Variants in DPP6 observed in about 807,000 individuals in gnomAD.
DPP6 encodes A-type potassium channel modulatory protein DPP6.
A neutral mutation model predicts 122.6 loss-of-function variants in DPP6; 69 were observed. That is an observed-to-expected ratio of 0.56 (90% CI 0.46 to 0.69). The LOEUF is 0.69. DPP6 is among the 30% of genes least tolerant of loss of function. DPP6 has a pLI of 0.00. For synonymous variants in DPP6, 418 were observed against 433.1 expected (o/e 0.97, Z 0.43); for missense variants, 928 against 1,116.9 (o/e 0.83, Z 2.41).
chr7:154,498,793 C>T (rs79392477), intron 3 of DPP6, among the ~76,000 whole-genome samples: 3,012 of 152,218 alleles, frequency 0.02, 99 homozygotes, highest in African/African-American at 0.067. Flanking sequence ...ACATGCCTGC[C>T]CTCTACCCAC....
intron 1 of DPP6, among the ~76,000 whole-genome samples, chr7:154,431,600 T>C (rs1818428939): frequency 6.7e-6 from 1 of 150,230 alleles, no homozygotes; most frequent in African/African-American, 2.5e-5. Flanking sequence ...AGTGGCATGA[T>C]CTCAGTTCAC....
chr7:154,500,630 A>G (rs940268767), intron 3 of DPP6, among the ~76,000 whole-genome samples: 9 of 152,182 alleles, frequency 5.9e-5, no homozygotes, highest in Non-Finnish European at 7.4e-5. Flanking sequence ...CATATGAGAC[A>G]TGCCTTTTAC....
chr7:153,844,886 G>A, the DPP6 span, among the ~76,000 whole-genome samples: 1 of 152,130 alleles, frequency 6.6e-6, no homozygotes, highest in Non-Finnish European at 1.5e-5. Context: ...AACAAAAAAT[G>A]TTTGAGTATT....
chr7:154,688,525 A>G (rs534526268), intron 7 of DPP6, among the ~76,000 whole-genome samples: 1 of 152,258 alleles, frequency 6.6e-6, no homozygotes, highest in Admixed American at 6.5e-5. Context: ...GAGGGACAGA[A>G]CTAACAGGAT....
intron 4 of DPP6, among the ~76,000 whole-genome samples, chr7:154,558,639 T>G (rs1225008068): frequency 1.3e-5 from 2 of 152,196 alleles, no homozygotes; most frequent in Non-Finnish European, 2.9e-5. Flanking sequence ...TTCAGTAGAG[T>G]AACATGCTGT....
chr7:154,637,764 A>G (rs1835817133), intron 5 of DPP6, 57 bp from the exon 6 acceptor site: 4 of 1,511,876 alleles, frequency 2.6e-6, no homozygotes, highest in Non-Finnish European at 3.6e-6. Flanking sequence ...TTTGAAAAAT[A>G]TCATCGTAAC....
At chr7:154,308,566 T>A (rs1472821959) in intron 1 of DPP6, among the ~76,000 whole-genome samples, 1 of 152,198 alleles carries the variant, frequency 6.6e-6, no homozygotes, top group Admixed American at 6.5e-5. Context: ...CTGAGACTCC[T>A]CGGTGAAAAT....
At chr7:153,918,592 C>CAA (rs1563006289) in intron 1 of DPP6, among the ~76,000 whole-genome samples, 1 of 97,028 alleles carries the variant, frequency 1.0e-5, no homozygotes, top group African/African-American at 4.0e-5. Context: ...CTCTCTCTCT[C>CAA]TCTCTCTCTC....
intron 1 of DPP6, among the ~76,000 whole-genome samples, chr7:154,426,800 C>T (rs1305161373): frequency 7.8e-6 from 1 of 128,126 alleles, no homozygotes; most frequent in Non-Finnish European, 1.6e-5. Context: ...TTATTTGGTA[C>T]TCTGCCTTAA....
chr7:154,436,027 A>T (rs920403513), intron 1 of DPP6, among the ~76,000 whole-genome samples: 4 of 152,108 alleles, frequency 2.6e-5, no homozygotes, highest in Admixed American at 2.6e-4. Context: ...AGAAGGAACC[A>T]ATCCTGACCT....
chr7:154,485,321 A>T (rs1823690460), intron 3 of DPP6, among the ~76,000 whole-genome samples: 1 of 152,172 alleles, frequency 6.6e-6, no homozygotes, highest in Non-Finnish European at 1.5e-5. Flanking sequence ...AAATAAACAA[A>T]ATGTAATTAT....
chr7:154,822,421 A>G (rs910751710), intron 16 of DPP6, among the ~76,000 whole-genome samples: 1 of 152,072 alleles, frequency 6.6e-6, no homozygotes, highest in African/African-American at 2.4e-5. Context: ...CCCTAATCCT[A>G]TTCAGAGGCC....
intron 16 of DPP6, among the ~76,000 whole-genome samples, chr7:154,807,659 T>C (rs534808661): frequency 6.6e-6 from 1 of 151,988 alleles, no homozygotes; most frequent in Non-Finnish European, 1.5e-5. Context: ...CCGTCTCTAC[T>C]AAAAATACAA....
At chr7:153,993,256 A>G (rs1258863386) in intron 1 of DPP6, among the ~76,000 whole-genome samples, 1 of 152,180 alleles carries the variant, frequency 6.6e-6, no homozygotes, top group Non-Finnish European at 1.5e-5. Flanking sequence ...GAACAGATGA[A>G]TGAACTCTTG....
At chr7:154,395,885 T>C (rs1270367635) in intron 1 of DPP6, among the ~76,000 whole-genome samples, 1 of 152,016 alleles carries the variant, frequency 6.6e-6, no homozygotes, top group East Asian at 1.9e-4. Flanking sequence ...ATGTTCACTC[T>C]GGGTTTTTGT....
chr7:154,650,239 C>A (rs1460977644), intron 6 of DPP6, among the ~76,000 whole-genome samples: 1 of 151,986 alleles, frequency 6.6e-6, no homozygotes, highest in Non-Finnish European at 1.5e-5. Flanking sequence ...GTGGGAGAAT[C>A]GCATGAGCCC....
chr7:154,619,323 C>T (rs552226259), intron 5 of DPP6, among the ~76,000 whole-genome samples: 8 of 152,316 alleles, frequency 5.3e-5, no homozygotes, highest in East Asian at 1.9e-4. Flanking sequence ...ACGTAAGCCT[C>T]GTAGCGTTAC....
intron 6 of DPP6, among the ~76,000 whole-genome samples, chr7:154,659,919 C>T (rs1301586310): frequency 6.6e-6 from 1 of 152,224 alleles, no homozygotes; most frequent in East Asian, 1.9e-4. Flanking sequence ...CATGACCATT[C>T]TGTAGGACGA....
At chr7:154,565,762 T>A (rs1157196720) in intron 4 of DPP6, among the ~76,000 whole-genome samples, 2 of 152,192 alleles carry the variant, frequency 1.3e-5, no homozygotes, top group African/African-American at 2.4e-5. Context: ...TGACCTCAGG[T>A]GATCCACCCG....
Sources: allele counts gnomAD v4.1 joint callset (sites outside exome capture counted in the v4.1 genomes callset), GRCh38; gene constraint gnomAD v4.1.1; transcripts MANE v1.5; gene names NCBI Gene and HGNC (gene_info 2026-07-23, HGNC 2026-07-21).